PTPRD: variants seen among roughly 807,000 people sequenced by gnomAD.
The protein encoded by PTPRD is protein tyrosine phosphatase receptor type D, also known as receptor-type tyrosine-protein phosphatase delta.
In PTPRD, 34 loss-of-function variants were observed where a neutral mutation model predicts 214.5. That is an observed-to-expected ratio of 0.16 (90% CI 0.12 to 0.21). PTPRD has a LOEUF of 0.21. PTPRD is among the 10% of genes least tolerant of loss of function. The pLI, the probability that PTPRD is intolerant of heterozygous loss-of-function variation, is 1.00. For synonymous variants in PTPRD, 1,128 were observed against 845.7 expected, an observed-to-expected ratio of 1.33 and a Z score of -5.79; for missense variants, 2,545 against 2,398.7, an observed-to-expected ratio of 1.06 and a Z score of -1.27.
rs2097304222 is a variant in PTPRD at position 8,832,091 on chromosome 9, T to C, written c.-103-98145A>G. 6.2e-5 allele frequency among the ~76,000 whole-genome samples: 8 copies of C among 129,346 alleles called. No individual in the cohort carries two copies. The South Asian group carries it at 2.0e-3, about 33-fold the overall frequency. The allele number at this position is 129,346 out of a possible 152,430, so 84.9% of individuals were successfully genotyped here. ...TGCAAACAGTAGCCGGTGATTTAAA[T>C]ATGTATGTGTATATGTGTGTGTGTG... On this transcript the variant is annotated intron_variant, in intron 11 of 45. Coordinates refer to ENST00000381196, the MANE Select transcript of PTPRD (RefSeq NM_002839.4).
At chr9:9,679,892 T>C (rs1015595660) in intron 7 of PTPRD, among the ~76,000 whole-genome samples, 2 of 152,000 alleles carry the variant, frequency 1.3e-5, no homozygotes, top group African/African-American at 2.4e-5. Flanking sequence ...TAACAGCACA[T>C]TGGAGTAAAA....
At chr9:9,250,156 T>G (rs1218324905) in intron 9 of PTPRD, among the ~76,000 whole-genome samples, 2 of 152,010 alleles carry the variant, frequency 1.3e-5, no homozygotes, top group African/African-American at 4.8e-5. Flanking sequence ...ATGGCCACAA[T>G]GTTGAGTTGA....
chr9:8,825,449 G>C (rs1442725425), intron 11 of PTPRD, among the ~76,000 whole-genome samples: 1 of 152,130 alleles, frequency 6.6e-6, no homozygotes, highest in East Asian at 1.9e-4. Flanking sequence ...CTGAAAAAAT[G>C]AGGTAGAGAG....
At chr9:8,327,607 C>T (rs1024586774) in intron 44 of PTPRD, among the ~76,000 whole-genome samples, 1 of 151,942 alleles carries the variant, frequency 6.6e-6, no homozygotes, top group African/African-American at 2.4e-5. Context: ...TGTTCTATCT[C>T]ATTGATCTGT....
intron 10 of PTPRD, among the ~76,000 whole-genome samples, chr9:9,058,490 C>T (rs1443496740): frequency 2.8e-5 from 3 of 108,800 alleles, no homozygotes; most frequent in Non-Finnish European, 5.3e-5. Context: ...TCGCTGTCGC[C>T]CAGGCTGGAG....
intron 9 of PTPRD, among the ~76,000 whole-genome samples, chr9:9,292,356 G>T (rs10977642): frequency 0.039 from 5,900 of 151,332 alleles, 179 homozygotes; most frequent in African/African-American, 0.078. Context: ...CATGATGTAG[G>T]AAGATTTCCC....
chr9:9,654,707 G>C (rs1182461702), intron 7 of PTPRD, among the ~76,000 whole-genome samples: 2 of 152,162 alleles, frequency 1.3e-5, no homozygotes, highest in African/African-American at 4.8e-5. Flanking sequence ...GCTAGAAGGA[G>C]TAACAGTGTC....
At chr9:10,096,767 G>C (rs1336009800) in intron 3 of PTPRD, among the ~76,000 whole-genome samples, 2 of 151,854 alleles carry the variant, frequency 1.3e-5, no homozygotes, top group East Asian at 3.9e-4. Flanking sequence ...ATCAATTTTG[G>C]CTTTTGTTGC....
At chr9:9,120,578 A>C (rs973721645) in intron 10 of PTPRD, among the ~76,000 whole-genome samples, 2 of 152,242 alleles carry the variant, frequency 1.3e-5, no homozygotes, top group African/African-American at 4.8e-5. Context: ...TTCCTGAGTT[A>C]GGTGGTATTC....
At chr9:8,895,594 C>T (rs947552560) in intron 11 of PTPRD, among the ~76,000 whole-genome samples, 4 of 152,166 alleles carry the variant, frequency 2.6e-5, no homozygotes, top group African/African-American at 9.7e-5. Flanking sequence ...AGCATGCTTT[C>T]TCCTCTCCCC....
At chr9:10,088,355 A>G (rs2098382909) in intron 3 of PTPRD, among the ~76,000 whole-genome samples, 1 of 151,788 alleles carries the variant, frequency 6.6e-6, no homozygotes, top group Admixed American at 6.6e-5. Context: ...TATTAGAAAC[A>G]ATTCTTCAAT....
intron 3 of PTPRD, among the ~76,000 whole-genome samples, chr9:10,202,671 G>GATATATATCTATAT (rs1554843047): frequency 8.8e-6 from 1 of 113,128 alleles, no homozygotes; most frequent in Non-Finnish European, 1.8e-5. Flanking sequence ...AAATTATATG[G>GATATATATCTATAT]ATATATATAT....
chr9:8,567,804 T>C (rs2089855874), intron 14 of PTPRD, among the ~76,000 whole-genome samples: 1 of 152,182 alleles, frequency 6.6e-6, no homozygotes. Flanking sequence ...TAACATATGA[T>C]GACCAAGCTA....
At chr9:10,236,149 C>G (rs904452298) in intron 3 of PTPRD, among the ~76,000 whole-genome samples, 1 of 151,748 alleles carries the variant, frequency 6.6e-6, no homozygotes, top group African/African-American at 2.4e-5. Context: ...TCTGACTGTC[C>G]GAGACACAGA....
At chr9:9,146,281 G>A (rs983361353) in intron 10 of PTPRD, among the ~76,000 whole-genome samples, 1 of 151,856 alleles carries the variant, frequency 6.6e-6, no homozygotes, top group African/African-American at 2.4e-5. Context: ...TAATTCTACT[G>A]TCAAGCTCAA....
intron 26 of PTPRD, among the ~76,000 whole-genome samples, chr9:8,494,153 G>A (rs2097208892): frequency 6.6e-6 from 1 of 152,198 alleles, no homozygotes; most frequent in Non-Finnish European, 1.5e-5. Flanking sequence ...GACAATGTGA[G>A]TGACGAGTAC....
chr9:8,971,753 T>TTA lies in PTPRD; in HGVS notation c.-104+46942_-104+46943dup, dbSNP rs531277509. The stretch of plus-strand genomic sequence containing the variant: ...TTGAACAATTAATATGTGGCAAGAA[T>TTA]TATATATATATTACTTTATTTAATC... On this transcript the variant is annotated intron_variant, in intron 11 of 45. Coordinates refer to ENST00000381196, the MANE Select transcript of PTPRD (RefSeq NM_002839.4). Among the ~76,000 whole-genome samples the TTA allele has an allele frequency of 1.5e-3, 223 of 151,288 alleles. 2 individuals carry two copies. Among genetic ancestry groups the TTA allele is most frequent in the Non-Finnish European group, 2.1e-3 (139 of 67,608 alleles).
intron 7 of PTPRD, among the ~76,000 whole-genome samples, chr9:9,663,353 T>G: frequency 6.6e-6 from 1 of 150,884 alleles, no homozygotes; most frequent in Non-Finnish European, 1.5e-5. Flanking sequence ...ATCAATAAAC[T>G]TAATTTCAAA....
At chr9:10,350,165 A>G (rs1049835298) in intron 2 of PTPRD, among the ~76,000 whole-genome samples, 3 of 151,946 alleles carry the variant, frequency 2.0e-5, no homozygotes, top group Non-Finnish European at 2.9e-5. Flanking sequence ...TCTTCTCAGC[A>G]CCCTGGATTA....
Sources: gnomAD v4.1 joint callset for allele counts (sites outside exome capture counted in the v4.1 genomes callset) on GRCh38, gnomAD v4.1.1 for gene constraint, MANE v1.5 for transcripts, NCBI Gene and HGNC (gene_info 2026-07-23, HGNC 2026-07-21) for gene names.